Variants in CLIC4 observed in about 807,000 individuals in gnomAD.
CLIC4 encodes the protein CLIC family member 4.
A neutral mutation model predicts 24.6 loss-of-function variants in CLIC4; 13 were observed. That is an observed-to-expected ratio of 0.53 (90% CI 0.34 to 0.84). The LOEUF (loss-of-function observed/expected upper bound fraction) is 0.84, where lower values mean the gene tolerates loss of function less well. Among genes scored for constraint, CLIC4 ranks in the 40% least tolerant of loss-of-function variants. The probability of loss-of-function intolerance (pLI) is 0.01; values close to 1 mark genes in which losing one functional copy is unlikely to be tolerated. For synonymous variants in CLIC4, 104 were observed against 111.3 expected (o/e 0.93, Z 0.41); for missense variants, 227 against 301.7 (o/e 0.75, Z 1.83).
At chr1:24,759,693 A>G (rs1349675751) in intron 1 of CLIC4, among the ~76,000 whole-genome samples, 1 of 152,124 alleles carries the variant, frequency 6.6e-6, no homozygotes. Context: ...TCACGCCTGT[A>G]CTCCCAGCAT....
In CLIC4 at chr1:24,745,580, G is replaced by A. The variant is rs1259265626; in HGVS notation, c.27G>A (p.Gly9=). 2.5e-6 allele frequency: 4 copies of A among 1,592,010 alleles called. No homozygotes were observed. The African/African-American group carries it at 5.5e-5, about 22-fold the overall frequency. The stretch of plus-strand genomic sequence containing the variant: ...TGGCGTTGTCGATGCCGCTGAATGG[G>A]CTGAAGGAGGAGGACAAAGAGCCCC... The part of the protein sequence containing the change: MALSMPLN[G]LKEEDKEPLI... The change falls in exon 1 of 6, where the codon GGG becomes GGA. Residue 9 remains glycine, a synonymous_variant. Coordinates refer to ENST00000374379, the MANE Select transcript of CLIC4 (RefSeq NM_013943.3).
At chr1:24,783,729 A>G (rs1639233436) in intron 1 of CLIC4, among the ~76,000 whole-genome samples, 1 of 152,158 alleles carries the variant, frequency 6.6e-6, no homozygotes, top group Admixed American at 6.5e-5. Flanking sequence ...AAAATTTGTA[A>G]TTGTCTTCTG....
rs533520459 is a variant in CLIC4 at position 24,786,808 on chromosome 1, C to T, written c.73-10934C>T. On this transcript the variant is annotated intron_variant, in intron 1 of 5. Coordinates refer to ENST00000374379, the MANE Select transcript of CLIC4 (RefSeq NM_013943.3). ...AATTTTTTTGTATTTTTAGTAGAGA[C>T]GAGGTTTCACCATGTTAGCCAGGAT... Among the ~76,000 whole-genome samples the T allele has an allele frequency of 5.3e-5, 8 of 151,864 alleles. No homozygotes were observed. The South Asian group carries it at 1.0e-3, about 20-fold the overall frequency.
chr1:24,790,580 T>C (rs1047440317), intron 1 of CLIC4, among the ~76,000 whole-genome samples: 2 of 152,160 alleles, frequency 1.3e-5, no homozygotes, highest in African/African-American at 4.8e-5. Context: ...TTATTACTGC[T>C]GGGGTGGGGG....
At chr1:24,793,490 C>G (rs979683127) in intron 1 of CLIC4, among the ~76,000 whole-genome samples, 1 of 152,134 alleles carries the variant, frequency 6.6e-6, no homozygotes, top group Non-Finnish European at 1.5e-5. Context: ...GGCCCCAACC[C>G]GGGAGTTCTG....
At chr1:24,824,613 TG>T (rs1033260780) in intron 3 of CLIC4, among the ~76,000 whole-genome samples, 2 of 152,080 alleles carry the variant, frequency 1.3e-5, no homozygotes, top group Non-Finnish European at 2.9e-5. Context: ...GGGGGCCAAG[TG>T]TGTAAGCTTT....
At chr1:24,787,734 A>G (rs919015509) in intron 1 of CLIC4, among the ~76,000 whole-genome samples, 20 of 148,674 alleles carry the variant, frequency 1.3e-4, no homozygotes, top group African/African-American at 5.0e-4. Flanking sequence ...TTTAGTACAG[A>G]TGGGGTTTCA....
At chr1:24,810,119 T>G (rs1639596942) in intron 2 of CLIC4, among the ~76,000 whole-genome samples, 1 of 152,210 alleles carries the variant, frequency 6.6e-6, no homozygotes, top group Non-Finnish European at 1.5e-5. Context: ...CTTAATTCAG[T>G]GTATGTCTTC....
intron 1 of CLIC4, among the ~76,000 whole-genome samples, chr1:24,785,404 G>T (rs1639255334): frequency 6.6e-6 from 1 of 152,172 alleles, no homozygotes; most frequent in Non-Finnish European, 1.5e-5. Context: ...ACTTACTGAA[G>T]ATTACACAGC....
intron 1 of CLIC4, among the ~76,000 whole-genome samples, chr1:24,797,463 G>C (rs575191194): frequency 3.3e-5 from 5 of 150,334 alleles, no homozygotes; most frequent in Non-Finnish European, 5.9e-5. Context: ...AGCTCCAGCT[G>C]CTTGGGAGGC....
intron 2 of CLIC4, among the ~76,000 whole-genome samples, chr1:24,809,125 A>G (rs1364429533): frequency 2.0e-5 from 3 of 152,216 alleles, no homozygotes. Flanking sequence ...TGAAAATCAA[A>G]TCAGGTTTTG....
intron 4 of CLIC4, 101 bp downstream of exon 4, chr1:24,827,217 C>T: frequency 2.8e-6 from 2 of 704,504 alleles, no homozygotes; most frequent in Non-Finnish European, 4.8e-6. Context: ...TAGAGTCCAG[C>T]CATTCCCATA....
intron 1 of CLIC4, among the ~76,000 whole-genome samples, chr1:24,775,220 C>CTTT (rs1439553733): frequency 1.3e-5 from 1 of 77,032 alleles, no homozygotes; most frequent in Admixed American, 1.4e-4. Flanking sequence ...TCCTTTCTTT[C>CTTT]TTTCTTTTTT....
intron 1 of CLIC4, among the ~76,000 whole-genome samples, chr1:24,778,730 A>G (rs1474914694): frequency 1.3e-5 from 2 of 152,184 alleles, no homozygotes; most frequent in African/African-American, 4.8e-5. Context: ...TAGGCTTTTG[A>G]TAAGTAAATG....
At chr1:24,824,718 G>C (rs1571263235) in intron 3 of CLIC4, among the ~76,000 whole-genome samples, 1 of 152,140 alleles carries the variant, frequency 6.6e-6, no homozygotes, top group African/African-American at 2.4e-5. Flanking sequence ...AATAGTACAG[G>C]CTGGGTGCAG....
At chr1:24,746,040 AGCCCGAACTGCGGCCCGCCGCCCGAT>A (rs1638691490) in intron 1 of CLIC4, among the ~76,000 whole-genome samples, 1 of 151,468 alleles carries the variant, frequency 6.6e-6, no homozygotes, top group Non-Finnish European at 1.5e-5. Context: ...CGCCGCCCGG[AGCCCGAACTGCGGCCCGCCGCCCGAT>A]GAGCTTTCAA....
chr1:24,810,191 A>G (rs1275187557), intron 2 of CLIC4, among the ~76,000 whole-genome samples: 2 of 152,248 alleles, frequency 1.3e-5, no homozygotes, highest in East Asian at 3.8e-4. Flanking sequence ...TTCCTAGTAT[A>G]CAATTTGGGA....
chr1:24,796,944 T>C (rs1557804924), intron 1 of CLIC4, among the ~76,000 whole-genome samples: 1 of 151,532 alleles, frequency 6.6e-6, no homozygotes, highest in Non-Finnish European at 1.5e-5. Flanking sequence ...TTATTTTTTA[T>C]TTTATTTATT....
chr1:24,802,000 A>G (rs1243967885), intron 2 of CLIC4, among the ~76,000 whole-genome samples: 22 of 152,164 alleles, frequency 1.4e-4, no homozygotes. Context: ...TACACAAAGC[A>G]AGTTTCCCAA....
Sources: gnomAD v4.1 joint callset for allele counts (sites outside exome capture counted in the v4.1 genomes callset) on GRCh38, gnomAD v4.1.1 for gene constraint, MANE v1.5 for transcripts, NCBI Gene and HGNC (gene_info 2026-07-23, HGNC 2026-07-21) for gene names.